RBMS3: variants seen among roughly 807,000 people sequenced by gnomAD.
RBMS3 encodes RNA-binding motif, single-stranded-interacting protein 3.
A neutral mutation model predicts 66.8 loss-of-function variants in RBMS3; 27 were observed. The observed-to-expected ratio is 0.40, with a 90% CI of 0.30 to 0.56. The LOEUF is 0.56. Among genes scored for constraint, RBMS3 ranks in the 20% least tolerant of loss-of-function variants. The pLI is 0.40. For synonymous variants in RBMS3, 188 were observed against 183.0 expected, an observed-to-expected ratio of 1.03 and a Z score of -0.22; for missense variants, 513 against 549.5, an observed-to-expected ratio of 0.93 and a Z score of 0.66.
intron 1 of RBMS3, among the ~76,000 whole-genome samples, chr3:29,296,631 T>C (rs1159517089): frequency 1.3e-5 from 2 of 151,814 alleles, no homozygotes; most frequent in African/African-American, 4.8e-5. Flanking sequence ...TAATATGTGA[T>C]GCTGGGATGA....
chr3:29,672,113 G>T (rs954321222), intron 4 of RBMS3, among the ~76,000 whole-genome samples: 2 of 152,020 alleles, frequency 1.3e-5, no homozygotes, highest in Admixed American at 1.3e-4. Context: ...TAAGCCAGAA[G>T]AGAGTGGGGG....
At chr3:29,899,623 G>A (rs1041995285) in intron 9 of RBMS3, 82 bp from the exon 10 acceptor site, 1 of 1,240,796 alleles carries the variant, frequency 8.1e-7, no homozygotes, top group Non-Finnish European at 1.2e-6. Context: ...ACTTTCTTAT[G>A]ACCTAGTGTG....
chr3:29,445,419 A>G (rs2041791848), intron 2 of RBMS3, among the ~76,000 whole-genome samples: 1 of 152,108 alleles, frequency 6.6e-6, no homozygotes, highest in African/African-American at 2.4e-5. Flanking sequence ...AGACAAAAAA[A>G]AAAAACTGTT....
At chr3:29,649,143 T>A in intron 4 of RBMS3, among the ~76,000 whole-genome samples, 1 of 152,224 alleles carries the variant, frequency 6.6e-6, no homozygotes, top group East Asian at 1.9e-4. Flanking sequence ...CTTTTTCCCA[T>A]GTTATTTTTT....
chr3:29,518,531 G>A (rs1305261644), intron 3 of RBMS3, among the ~76,000 whole-genome samples: 4 of 152,104 alleles, frequency 2.6e-5, no homozygotes, highest in African/African-American at 2.4e-5. Flanking sequence ...ATTATTAAAG[G>A]TGCATCCTTT....
chr3:29,598,321 C>G (rs185283952), intron 4 of RBMS3, among the ~76,000 whole-genome samples: 1 of 152,030 alleles, frequency 6.6e-6, no homozygotes, highest in South Asian at 2.1e-4. Context: ...TATATATTCC[C>G]GAGGAAGCCA....
chr3:29,919,076 TAAAG>T (rs1285805275), intron 10 of RBMS3, among the ~76,000 whole-genome samples: 1 of 152,178 alleles, frequency 6.6e-6, no homozygotes, highest in African/African-American at 2.4e-5. Context: ...CCTACTCTTT[TAAAG>T]AGTTTTTCCT....
chr3:29,894,443 C>T (rs1195398135), intron 8 of RBMS3, among the ~76,000 whole-genome samples: 1 of 151,434 alleles, frequency 6.6e-6, no homozygotes, highest in African/African-American at 2.4e-5. Context: ...TCTCAAACTC[C>T]TGGGGCTACC....
At position 29,601,614 on chromosome 3, in the gene RBMS3, G is replaced by A. The variant is rs75251343; in HGVS notation, c.399+14409G>A. The stretch of plus-strand genomic sequence containing the variant: ...TAATAAAATATTGCCAATAATCCTC[G>A]AGTATTAAAAAACAGACTACCCTCC... On this transcript the variant is annotated intron_variant, in intron 4 of 14. Coordinates refer to ENST00000383767, the MANE Select transcript of RBMS3 (RefSeq NM_001003793.3). Among the ~76,000 whole-genome samples the A allele has an allele frequency of 4.5e-3, 691 of 151,972 alleles. 4 individuals carry two copies. Among genetic ancestry groups the A allele is most frequent in the Admixed American group, 0.012 (184 of 15,224 alleles).
chr3:29,349,378 G>C (rs976568504), intron 1 of RBMS3, among the ~76,000 whole-genome samples: 2 of 152,132 alleles, frequency 1.3e-5, no homozygotes, highest in Non-Finnish European at 2.9e-5. Flanking sequence ...TCCCAATACA[G>C]CTGCACCTTT....
At chr3:29,979,977 T>A (rs921308840) in intron 12 of RBMS3, among the ~76,000 whole-genome samples, 1 of 152,178 alleles carries the variant, frequency 6.6e-6, no homozygotes. Context: ...GGTCAAATTG[T>A]ATTTCTGGTT....
chr3:29,679,221 T>G (rs142605811), intron 4 of RBMS3, among the ~76,000 whole-genome samples: 203 of 152,294 alleles, frequency 1.3e-3, no homozygotes, highest in Middle Eastern at 6.8e-3. Flanking sequence ...TGATATTGAT[T>G]ACTCTTTACT....
At chr3:29,562,319 G>A (rs575971543) in intron 3 of RBMS3, among the ~76,000 whole-genome samples, 2 of 152,042 alleles carry the variant, frequency 1.3e-5, no homozygotes, top group South Asian at 2.1e-4. Flanking sequence ...ACTGCTGCCC[G>A]ATCTTCTGAT....
Position 29,703,417 on chromosome 3 carries a change from G to A in RBMS3, c.400-36303G>A, listed in dbSNP as rs561559296. Among the ~76,000 whole-genome samples the A allele has an allele frequency of 1.3e-4, 20 of 152,222 alleles. No individual in the cohort carries two copies. The East Asian group carries it at 2.7e-3, about 21-fold the overall frequency. ...CTATAGGAAACAATTTGAAGAGATCGGTTGCCAGAAACAACTTAATGAATG... is the reference window on the plus strand; with the variant it reads ...CTATAGGAAACAATTTGAAGAGATCAGTTGCCAGAAACAACTTAATGAATG... On this transcript the variant is annotated intron_variant, in intron 4 of 14. Coordinates refer to ENST00000383767, the MANE Select transcript of RBMS3 (RefSeq NM_001003793.3).
chr3:29,762,537 T>A (rs1028619462), intron 5 of RBMS3, among the ~76,000 whole-genome samples: 1 of 152,120 alleles, frequency 6.6e-6, no homozygotes, highest in African/African-American at 2.4e-5. Context: ...GTGACCTTAT[T>A]GATATGAATG....
At chr3:29,704,127 T>C (rs2052762648) in intron 4 of RBMS3, among the ~76,000 whole-genome samples, 2 of 152,218 alleles carry the variant, frequency 1.3e-5, no homozygotes, top group Admixed American at 1.3e-4. Context: ...GTGAGTCATA[T>C]AATTATTTTA....
intron 3 of RBMS3, among the ~76,000 whole-genome samples, chr3:29,542,488 G>A (rs2045802567): frequency 6.6e-6 from 1 of 152,158 alleles, no homozygotes. Flanking sequence ...AGCCTCCTGA[G>A]TAGCTGGGAT....
chr3:29,877,997 A>T (rs1241998038), intron 7 of RBMS3, among the ~76,000 whole-genome samples: 2 of 152,026 alleles, frequency 1.3e-5, no homozygotes, highest in Admixed American at 1.3e-4. Context: ...TTTGTAGAAG[A>T]TAAGTTTTCC....
chr3:29,669,743 T>G (rs2050916319), intron 4 of RBMS3, among the ~76,000 whole-genome samples: 12 of 152,144 alleles, frequency 7.9e-5, no homozygotes, highest in Admixed American at 7.9e-4. Context: ...CTTTTTGTTG[T>G]TCATGTTCCT....
Sources: gnomAD v4.1 joint callset for allele counts (sites outside exome capture counted in the v4.1 genomes callset) on GRCh38, gnomAD v4.1.1 for gene constraint, MANE v1.5 for transcripts, NCBI Gene and HGNC (gene_info 2026-07-23, HGNC 2026-07-21) for gene names.